BRINP3: variants seen among roughly 807,000 people sequenced by gnomAD.
The protein encoded by BRINP3 is BMP/retinoic acid inducible neural specific 3, also known as BMP/retinoic acid-inducible neural-specific protein 3.
Under a neutral mutation model 71.0 loss-of-function variants are expected in BRINP3, and 19 were observed. The ratio of observed to expected loss-of-function variants is 0.27; its 90% confidence interval spans 0.19 to 0.39. BRINP3 has a LOEUF of 0.39. Among genes scored for constraint, BRINP3 ranks in the 10% least tolerant of loss-of-function variants. The pLI is 1.00. For synonymous variants in BRINP3, 380 were observed against 337.7 expected, an observed-to-expected ratio of 1.13 and a Z score of -1.37; for missense variants, 959 against 940.8, an observed-to-expected ratio of 1.02 and a Z score of -0.25.
intron 2 of BRINP3, among the ~76,000 whole-genome samples, chr1:190,447,618 C>A (rs141541467): frequency 0.062 from 9,096 of 146,282 alleles, 399 homozygotes; most frequent in African/African-American, 0.13. Context: ...CTCTCTCTCT[C>A]TCTCTATATA....
intron 6 of BRINP3, among the ~76,000 whole-genome samples, chr1:190,189,673 T>C (rs1381639089): frequency 6.6e-6 from 1 of 152,152 alleles, no homozygotes; most frequent in African/African-American, 2.4e-5. Flanking sequence ...CCATTGATTT[T>C]TTTTATCTAG....
intron 2 of BRINP3, among the ~76,000 whole-genome samples, chr1:190,282,207 C>T (rs190111122): frequency 1.1e-4 from 16 of 150,374 alleles, no homozygotes; most frequent in African/African-American, 1.5e-4. Flanking sequence ...ATTAAGGAGA[C>T]GCAGAACTTT....
chr1:190,334,066 T>A (rs1157974907), intron 2 of BRINP3, among the ~76,000 whole-genome samples: 2 of 151,860 alleles, frequency 1.3e-5, no homozygotes, highest in African/African-American at 4.8e-5. Flanking sequence ...CTCACATTTA[T>A]ACACATAAAG....
intron 3 of BRINP3, among the ~76,000 whole-genome samples, chr1:190,276,922 T>C (rs991533234): frequency 6.7e-6 from 1 of 150,168 alleles, no homozygotes; most frequent in Non-Finnish European, 1.5e-5. Context: ...ATTGTAACTA[T>C]TTCTGCTAAT....
At position 190,160,902 on chromosome 1, in the gene BRINP3, C is replaced by A; in HGVS notation, c.962-12G>T. ...TAACTTGAATTCATCTGAAAAATGT[C>A]AAAATTCAACACTTTAATTATGAAA... On this transcript the variant is annotated splice_polypyrimidine_tract_variant and intron_variant, in intron 6 of 7. Transcript: ENST00000367462. The A allele has an allele frequency of 1.9e-6, 3 of 1,545,124 alleles. No homozygotes were observed. The highest frequency in any genetic ancestry group is 2.7e-6 in the Non-Finnish European group (3 of 1,130,746).
At position 190,187,561 on chromosome 1, in the gene BRINP3, C is replaced by T. The variant is rs11576387; in HGVS notation, c.962-26671G>A. ...ATTTTTACTTGATTTATGTATATGG[C>T]GTGACAAAATTTTCTAATTTTATTC... On this transcript the variant is annotated intron_variant, in intron 6 of 7. Transcript: ENST00000367462. Among the ~76,000 whole-genome samples the T allele has an allele frequency of 6.7e-3, 1,017 of 152,012 alleles. 7 individuals carry two copies. The highest frequency in any genetic ancestry group is 0.012 in the Admixed American group (186 of 15,248).
chr1:190,449,635 G>C (rs1675471744), intron 2 of BRINP3, among the ~76,000 whole-genome samples: 1 of 151,878 alleles, frequency 6.6e-6, no homozygotes, highest in South Asian at 2.1e-4. Flanking sequence ...GAATAGAGAG[G>C]GCTCTATCAA....
At chr1:190,290,187 T>C (rs1663752005) in intron 2 of BRINP3, among the ~76,000 whole-genome samples, 1 of 152,084 alleles carries the variant, frequency 6.6e-6, no homozygotes, top group African/African-American at 2.4e-5. Flanking sequence ...AATTAAAAGT[T>C]AACTATTTGC....
At chr1:190,107,226 C>T (rs1360818322) in intron 7 of BRINP3, among the ~76,000 whole-genome samples, 1 of 151,904 alleles carries the variant, frequency 6.6e-6, no homozygotes, top group African/African-American at 2.4e-5. Flanking sequence ...TACATTCTGA[C>T]AACATCTAGT....
At chr1:190,388,036 T>C (rs1349140421) in intron 2 of BRINP3, among the ~76,000 whole-genome samples, 1 of 151,854 alleles carries the variant, frequency 6.6e-6, no homozygotes, top group Non-Finnish European at 1.5e-5. Context: ...ATAATTATAA[T>C]ATTAAGAGCA....
intron 2 of BRINP3, among the ~76,000 whole-genome samples, chr1:190,450,508 A>T (rs1276987211): frequency 6.6e-6 from 1 of 152,162 alleles, no homozygotes; most frequent in Non-Finnish European, 1.5e-5. Context: ...GCTACTTTAA[A>T]GACATTTTAA....
At chr1:190,264,789 A>G in intron 4 of BRINP3, 76 bp downstream of exon 4, 1 of 1,191,932 alleles carries the variant, frequency 8.4e-7, no homozygotes, top group Non-Finnish European at 1.2e-6. Flanking sequence ...GAATAAGCAA[A>G]TACATAAAAA....
chr1:190,334,960 T>C (rs1445280779), intron 2 of BRINP3, among the ~76,000 whole-genome samples: 2 of 151,776 alleles, frequency 1.3e-5, no homozygotes, highest in Non-Finnish European at 2.9e-5. Flanking sequence ...ACTTCTTATA[T>C]TGGGTGTGGT....
chr1:190,341,716 T>C (rs913973313), intron 2 of BRINP3, among the ~76,000 whole-genome samples: 3 of 151,688 alleles, frequency 2.0e-5, no homozygotes, highest in African/African-American at 4.8e-5. Flanking sequence ...AGTTCCATAG[T>C]TGAAAAAAAA....
rs538097921 is a variant in BRINP3 at position 190,341,103 on chromosome 1, C to A, written c.237-59353G>T. ...TGCTCCAGTAGTTTAAGATGAAATC[C>A]GTGGTCCAGTCATCTGGAATTTAGA... On this transcript the variant is annotated intron_variant, in intron 2 of 7. Transcript: ENST00000367462. 1.6e-4 allele frequency among the ~76,000 whole-genome samples: 24 copies of A among 151,824 alleles called. No homozygotes were observed. In the South Asian group the frequency reaches 5.0e-3, roughly 32 times the overall value.
At chr1:190,258,153 C>T (rs531047497) in intron 4 of BRINP3, among the ~76,000 whole-genome samples, 65 of 152,304 alleles carry the variant, frequency 4.3e-4, no homozygotes, top group African/African-American at 1.5e-3. Flanking sequence ...GTTCAAGCTT[C>T]CCCAGCTGCT....
intron 7 of BRINP3, among the ~76,000 whole-genome samples, chr1:190,125,314 A>T (rs1221147585): frequency 6.6e-6 from 1 of 151,390 alleles, no homozygotes; most frequent in Non-Finnish European, 1.5e-5. Context: ...TTACAGGTTT[A>T]TATATATACA....
chr1:190,332,364 G>A (rs1048860599), intron 2 of BRINP3, among the ~76,000 whole-genome samples: 1 of 152,064 alleles, frequency 6.6e-6, no homozygotes, highest in South Asian at 2.1e-4. Flanking sequence ...ATATTTGGCT[G>A]AACTGGTATA....
intron 6 of BRINP3, among the ~76,000 whole-genome samples, chr1:190,189,268 G>C (rs115882045): frequency 6.6e-6 from 1 of 152,132 alleles, no homozygotes; most frequent in East Asian, 1.9e-4. Context: ...GAAACCATCA[G>C]GTTTAGGGCT....
Sources: gnomAD v4.1 joint callset for allele counts (sites outside exome capture counted in the v4.1 genomes callset) on GRCh38, gnomAD v4.1.1 for gene constraint, MANE v1.5 for transcripts, NCBI Gene and HGNC (gene_info 2026-07-23, HGNC 2026-07-21) for gene names.